Variants in DOCK2 observed in about 807,000 individuals in gnomAD.
DOCK2 encodes dedicator of cytokinesis 2, also known as dedicator of cytokinesis protein 2.
Under a neutral mutation model 248.9 loss-of-function variants are expected in DOCK2, and 87 were observed. That is an observed-to-expected ratio of 0.35 (90% CI 0.29 to 0.42). The LOEUF (loss-of-function observed/expected upper bound fraction) is 0.42. Among genes scored for constraint, DOCK2 ranks in the 10% least tolerant of loss-of-function variants. The pLI is 1.00. For missense variants in DOCK2, 1,747 were observed against 2,300.2 expected (o/e 0.76, Z 4.92); for synonymous variants, 805 against 821.6 (o/e 0.98, Z 0.35).
intron 26 of DOCK2, among the ~76,000 whole-genome samples, chr5:169,834,146 C>G (rs1769413139): frequency 1.4e-5 from 2 of 142,238 alleles, no homozygotes; most frequent in African/African-American, 5.3e-5. Context: ...ATGTCCCAAC[C>G]AGGTCACCCT....
At chr5:169,664,698 G>A (rs538511693) in intron 2 of DOCK2, among the ~76,000 whole-genome samples, 2 of 152,230 alleles carry the variant, frequency 1.3e-5, no homozygotes, top group Non-Finnish European at 2.9e-5. Context: ...CAGATCTCAC[G>A]AGAACTCGTT....
At chr5:169,883,169 C>T (rs1342657992) in intron 27 of DOCK2, 3 of 1,551,460 alleles carry the variant, frequency 1.9e-6, no homozygotes, top group East Asian at 4.9e-5. Context: ...ACCCTTCTCC[C>T]ATCACCTGGA....
intron 10 of DOCK2, among the ~76,000 whole-genome samples, chr5:169,697,632 C>T (rs866878767): frequency 6.6e-6 from 1 of 152,148 alleles, no homozygotes; most frequent in South Asian, 2.1e-4. Context: ...CTCCTGTCTG[C>T]TCTCTGACTC....
intron 4 of DOCK2, 105 bp from the exon 5 acceptor site, chr5:169,670,973 A>T: frequency 2.3e-6 from 2 of 860,074 alleles, no homozygotes. Context: ...GTCTAATGTC[A>T]GGAAGGCCCC....
chr5:169,795,039 T>C (rs1766561629), intron 25 of DOCK2, among the ~76,000 whole-genome samples: 1 of 152,178 alleles, frequency 6.6e-6, no homozygotes, highest in Non-Finnish European at 1.5e-5. Flanking sequence ...CACACACATA[T>C]ACAGTAACAG....
rs757885356 is a variant in DOCK2, at chr5:169,714,018, T to C, written c.1660-10T>C. On this transcript the variant is annotated splice_polypyrimidine_tract_variant and intron_variant, in intron 17 of 51. Transcript: ENST00000520908. ...CTTGGCTTGGGGCAGTAACCAAGTGTTGTTTCCAGGGGGACAGCAAGAAGA... is the reference window on the plus strand; with the variant it reads ...CTTGGCTTGGGGCAGTAACCAAGTGCTGTTTCCAGGGGGACAGCAAGAAGA... 6.3e-7 allele frequency: 1 copy of C among 1,583,706 alleles called. No homozygotes were observed.
intron 22 of DOCK2, among the ~76,000 whole-genome samples, chr5:169,745,332 G>A (rs1282749390): frequency 6.6e-6 from 1 of 152,230 alleles, no homozygotes; most frequent in African/African-American, 2.4e-5. Flanking sequence ...TATCTGTGAA[G>A]TGGGGATGAG....
chr5:169,818,705 T>C (rs1298819878), intron 26 of DOCK2, among the ~76,000 whole-genome samples: 2 of 152,044 alleles, frequency 1.3e-5, no homozygotes, highest in African/African-American at 4.8e-5. Context: ...TTTTGGGAAG[T>C]GTTGGGTTCT....
At chr5:169,688,136 A>G (rs1581036572) in intron 8 of DOCK2, among the ~76,000 whole-genome samples, 1 of 152,078 alleles carries the variant, frequency 6.6e-6, no homozygotes, top group Non-Finnish European at 1.5e-5. Context: ...ATGTTGCCCA[A>G]GCTGGTCTTG....
chr5:169,681,921 T>TTTAGCACATCATAAACTTAAAATAA (rs776733507), intron 7 of DOCK2, 42 bp downstream of exon 7: 2 of 1,605,768 alleles, frequency 1.2e-6, no homozygotes, highest in South Asian at 2.2e-5. Flanking sequence ...GATACAATCA[T>TTTAGCACATCATAAACTTAAAATAA]TTAGCACATC....
In DOCK2 at chr5:169,883,110, G is replaced by A. The variant is rs370562223; in HGVS notation, c.2799+42258G>A. On this transcript the variant is annotated intron_variant, in intron 27 of 51. Transcript: ENST00000520908. ...CTGTGCCTGGTGTGTGGCTGGCAACGCTGGTGGCATTTAAGCAGGAGGTGG... is the reference window on the plus strand; with the variant it reads ...CTGTGCCTGGTGTGTGGCTGGCAACACTGGTGGCATTTAAGCAGGAGGTGG... 104 of 1,551,666 alleles carry A rather than the reference G, an allele frequency of 6.7e-5. 2 individuals are homozygous for A. In the African/African-American group the frequency reaches 1.1e-3, roughly 16 times the overall value.
chr5:169,697,458 C>T (rs200110419), intron 10 of DOCK2, among the ~76,000 whole-genome samples: 11 of 152,308 alleles, frequency 7.2e-5, no homozygotes, highest in Admixed American at 4.6e-4. Context: ...ATATAGGTCA[C>T]GTCCTCATCT....
At chr5:169,858,857 A>G (rs1426913041) in intron 27 of DOCK2, among the ~76,000 whole-genome samples, 1 of 152,080 alleles carries the variant, frequency 6.6e-6, no homozygotes, top group Non-Finnish European at 1.5e-5. Context: ...ATTATTTTAA[A>G]AAAAACATTA....
intron 27 of DOCK2, among the ~76,000 whole-genome samples, chr5:169,902,959 G>A (rs1283655424): frequency 2.0e-5 from 3 of 152,108 alleles, no homozygotes; most frequent in South Asian, 4.1e-4. Flanking sequence ...TTAGCTGGGT[G>A]TGGTGGCACA....
intron 2 of DOCK2, among the ~76,000 whole-genome samples, chr5:169,657,326 G>A: frequency 6.6e-6 from 1 of 152,116 alleles, no homozygotes; most frequent in East Asian, 1.9e-4. Flanking sequence ...AATATAAAAG[G>A]TGTGAAAACC....
rs373144946 is a variant in DOCK2 at position 169,867,855 on chromosome 5, A to T, written c.2799+27003A>T. ...TCTCCCCAGTGGAAACTGGAGATGG[A>T]TTGAGAGCCTAGGCAACCCCTGCAT... is the stretch of plus-strand genomic sequence containing the variant. On this transcript the variant is annotated intron_variant, in intron 27 of 51. Transcript: ENST00000520908. 4.7e-4 allele frequency among the ~76,000 whole-genome samples: 72 copies of T among 152,274 alleles called. 1 individual carries two copies. In the East Asian group the frequency reaches 0.011, roughly 22 times the overall value.
chr5:170,039,575 A>T (rs1180761706), intron 36 of DOCK2, among the ~76,000 whole-genome samples: 2 of 152,216 alleles, frequency 1.3e-5, no homozygotes, highest in Non-Finnish European at 2.9e-5. Context: ...TCAAATCACC[A>T]CTAGGTGACC....
intron 27 of DOCK2, among the ~76,000 whole-genome samples, chr5:169,973,156 G>A (rs1268613148): frequency 6.6e-6 from 1 of 152,098 alleles, no homozygotes; most frequent in African/African-American, 2.4e-5. Context: ...TCTCTGGCTT[G>A]GTCACCCGAT....
chr5:169,784,798 C>A (rs940664870), intron 25 of DOCK2, among the ~76,000 whole-genome samples: 1 of 152,146 alleles, frequency 6.6e-6, no homozygotes, highest in Non-Finnish European at 1.5e-5. Context: ...GTTGAGGTAG[C>A]AAAGTTTTCT....
Sources: gnomAD v4.1 joint callset for allele counts (sites outside exome capture counted in the v4.1 genomes callset) on GRCh38, gnomAD v4.1.1 for gene constraint, MANE v1.5 for transcripts, NCBI Gene and HGNC (gene_info 2026-07-23, HGNC 2026-07-21) for gene names.